CHRNE: variants seen among roughly 807,000 people sequenced by gnomAD.
The protein encoded by CHRNE is cholinergic receptor nicotinic epsilon subunit, also known as acetylcholine receptor subunit epsilon.
In CHRNE, 58 loss-of-function variants were observed where a neutral mutation model predicts 56.5. That is an observed-to-expected ratio of 1.03 (90% CI 0.83 to 1.28). The LOEUF (loss-of-function observed/expected upper bound fraction) is 1.28. Among genes scored for constraint, CHRNE ranks in the 50% most tolerant of loss-of-function variants. CHRNE has a pLI of 0.00. For missense variants in CHRNE, 793 were observed against 688.9 expected (o/e 1.15, Z -1.69); for synonymous variants, 385 against 297.9 (o/e 1.29, Z -3.01).
chr17:4,902,333 G>A lies in CHRNE; in HGVS notation c.235-7C>T, dbSNP rs935955868. On this transcript the variant is annotated splice_polypyrimidine_tract_variant and splice_region_variant and intron_variant, in intron 3 of 11. Coordinates refer to ENST00000649488, the MANE Select transcript of CHRNE (RefSeq NM_000080.4). The surrounding 1 kb of genome is among the most constrained non-coding windows in gnomAD (Gnocchi z 4.0). ...GTCGGTAATCCTGCCAATCCTAAGG[G>A]GTGGGGGATGGAAGGCCGCGTGCCC... is the stretch of plus-strand genomic sequence containing the variant. The A allele has an allele frequency of 1.1e-5, 18 of 1,614,136 alleles. No homozygotes were observed. The highest frequency in any genetic ancestry group is 1.5e-5 in the Non-Finnish European group (18 of 1,179,994).
At position 4,902,117 on chromosome 17, in the gene CHRNE, C is replaced by T. The variant is rs985566505; in HGVS notation, c.345-30G>A. 4.3e-6 allele frequency: 7 copies of T among 1,613,678 alleles called. No individual in the cohort carries two copies. The highest frequency in any genetic ancestry group is 5.1e-6 in the Non-Finnish European group (6 of 1,179,924). On this transcript the variant is annotated intron_variant, in intron 4 of 11. Coordinates refer to ENST00000649488, the MANE Select transcript of CHRNE (RefSeq NM_000080.4). This position sits in a 1 kb window ranked among gnomAD's most constrained non-coding sequence, Gnocchi z 4.0. ...GGGCTCGGGGAAACCGAGCTTTTTGCACAGGTCTGCACCCTCTCAGAGTAC... is the reference window on the plus strand; with the variant it reads ...GGGCTCGGGGAAACCGAGCTTTTTGTACAGGTCTGCACCCTCTCAGAGTAC...
intron 6 of CHRNE, 53 bp downstream of exon 6, chr17:4,901,472 C>T: frequency 3.9e-6 from 6 of 1,548,326 alleles, no homozygotes; most frequent in Non-Finnish European, 5.4e-6. Flanking sequence ...GTGGAAGTCC[C>T]CTCTCTGGAC....
At chr17:4,907,222 T>C (rs914347267), upstream of CHRNE, among the ~76,000 whole-genome samples, 26 of 149,756 alleles carry the variant, frequency 1.7e-4, no homozygotes, top group African/African-American at 5.9e-4. Flanking sequence ...AAAGGATAAA[T>C]GATTGGGGGA....
chr17:4,901,906 C>A (rs768832834), intron 5 of CHRNE, 26 bp downstream of exon 5: 2 of 1,165,040 alleles, frequency 1.7e-6, no homozygotes, highest in Admixed American at 1.8e-5. Flanking sequence ...CAATAATCGT[C>A]CGGGCCTCGG....
rs1970036361 is a variant in CHRNE at position 4,902,934 on chromosome 17, A to G, written c.46+84T>C. 4 of 1,597,286 alleles carry G rather than the reference A, an allele frequency of 2.5e-6. No homozygotes were observed. Among genetic ancestry groups the G allele is most frequent in the Non-Finnish European group, 3.4e-6 (4 of 1,165,120 alleles). On this transcript the variant is annotated intron_variant, in intron 1 of 11. Transcript: ENST00000649488. The surrounding 1 kb of genome is among the most constrained non-coding windows in gnomAD (Gnocchi z 4.0). ...AACGAAATACTGTGTCTAAGTCTCC[A>G]TCTTGGTCTCTGTCTTTGTCTTCCC...
At position 4,902,770 on chromosome 17, in the gene CHRNE, T is replaced by TG. The variant is rs550750896; in HGVS notation, c.47-8dup. ...TTCTTCCCCACACCCCTGCCTGCGA[T>TG]GGGGTCAAGAAGGAAGGGTCATTGG... is the stretch of plus-strand genomic sequence containing the variant. On this transcript the variant is annotated splice_polypyrimidine_tract_variant and splice_region_variant and intron_variant, in intron 1 of 11. Coordinates refer to ENST00000649488, the MANE Select transcript of CHRNE (RefSeq NM_000080.4). This position sits in a 1 kb window ranked among gnomAD's most constrained non-coding sequence, Gnocchi z 4.0. The TG allele has an allele frequency of 4.5e-4, 726 of 1,613,866 alleles. No homozygotes were observed. The highest frequency in any genetic ancestry group is 5.8e-4 in the Non-Finnish European group (689 of 1,180,002).
At position 4,901,548 on chromosome 17, in the gene CHRNE, T is replaced by A; in HGVS notation, c.578A>T (p.Asp193Val). 1 of 1,614,138 alleles carries A rather than the reference T, an allele frequency of 6.2e-7. No homozygotes were observed. Among genetic ancestry groups the A allele is most frequent in the Non-Finnish European group, 8.5e-7 (1 of 1,179,994 alleles). ...DNDGKTINKI[D>V]IDTEAYTENG... ...ACCAGTATAGGCCTCTGTGTCGATG[T>A]CGATCTTGTTGATGGTCTTGCCGTC... is the stretch of plus-strand genomic sequence containing the variant. The change falls in exon 6 of 12, where the codon GAC becomes GTC. Residue 193 changes from aspartate (D) to valine (V), a missense_variant. Physicochemically the swap from Asp to Val is radical, Grantham distance 152. Transcript: ENST00000649488.
chr17:4,901,488 C>G (rs778594380), intron 6 of CHRNE, 37 bp downstream of exon 6: 2 of 1,595,852 alleles, frequency 1.3e-6, no homozygotes, highest in Non-Finnish European at 1.7e-6. Context: ...TGGACCCCGT[C>G]TAGAAGCGGG....
chr17:4,899,828 G>A, intron 8 of CHRNE: 1 of 1,551,204 alleles, frequency 6.4e-7, no homozygotes, highest in Non-Finnish European at 8.7e-7. Flanking sequence ...GCTCCACCGA[G>A]GTGAGGCTAC....
Position 4,900,982 on chromosome 17 carries a change from CTG to C in CHRNE, c.802+6_802+7del. The C allele has an allele frequency of 6.2e-7, 1 of 1,613,956 alleles. No individual in the cohort carries two copies. The highest frequency in any genetic ancestry group is 8.5e-7 in the Non-Finnish European group (1 of 1,179,880). On this transcript the variant is annotated splice_donor_region_variant and intron_variant, in intron 7 of 11. Transcript: ENST00000649488. ...GGGTTTGGGGGTAGGTTCGGGGCCA[CTG>C]CTTACCCTGCGCCGGCAGGAAGTAG...
Position 4,903,019 on chromosome 17 carries a change from G to T in CHRNE, c.45C>A (p.Leu15=). 6.2e-7 allele frequency: 1 copy of T among 1,613,954 alleles called. No individual in the cohort carries two copies. Among genetic ancestry groups the T allele is most frequent in the Non-Finnish European group, 8.5e-7 (1 of 1,179,990 alleles). The change falls in exon 1 of 12, where the codon CTC becomes CTA. Residue 15 remains leucine, a splice_region_variant and synonymous_variant. Transcript: ENST00000649488. ...PLGVLLLLGL[L]GRGVGKNEEL... is the part of the protein sequence containing the mutation. Reference sequence around the variant, plus strand: ...TGCCCCTCTAGCCCCTGTCCGTACCGAGAAGCCCCAAGAGGAGCAGGACCC... The same window carrying T: ...TGCCCCTCTAGCCCCTGTCCGTACCTAGAAGCCCCAAGAGGAGCAGGACCC...
upstream of CHRNE, among the ~76,000 whole-genome samples, chr17:4,906,079 C>T (rs1408481243): frequency 6.6e-6 from 1 of 152,212 alleles, no homozygotes; most frequent in Non-Finnish European, 1.5e-5. Flanking sequence ...GCTTTCTCGT[C>T]ACCTGTGCAT....
At position 4,898,640 on chromosome 17, in the gene CHRNE, C is replaced by T. The variant is rs1969809820; in HGVS notation, c.*96G>A. ...AGTTCACAAACTGCAGATTGATCAG[C>T]AGGGGGAAGGGATCATAATGCCGTG... On this transcript the variant is annotated 3_prime_UTR_variant, in exon 12 of 12. Coordinates refer to ENST00000649488, the MANE Select transcript of CHRNE (RefSeq NM_000080.4). The T allele has an allele frequency of 1.4e-6, 2 of 1,471,980 alleles. No homozygotes were observed. Among genetic ancestry groups the T allele is most frequent in the Non-Finnish European group, 1.8e-6 (2 of 1,083,734 alleles). 91.2% of individuals were successfully genotyped at this position (1,471,980 alleles called of 1,614,324 possible). A position where few individuals can be genotyped will look rare whatever the true frequency, so the allele number is the denominator to read the frequency against.
intron 6 of CHRNE, 166 bp downstream of exon 6, chr17:4,901,359 G>A: frequency 2.1e-6 from 2 of 939,870 alleles, no homozygotes; most frequent in Non-Finnish European, 1.7e-6. Flanking sequence ...AAAGCCAGAA[G>A]GCAGGACTAG....
Position 4,901,052 on chromosome 17 carries a change from A to T in CHRNE, c.740T>A (p.Ile247Asn), listed in dbSNP as rs1322605830. 2 of 1,614,022 alleles carry T rather than the reference A, an allele frequency of 1.2e-6. No homozygotes were observed. Among genetic ancestry groups the T allele is most frequent in the African/African-American group, 1.3e-5 (1 of 75,040 alleles). ...CGAGATGAGCACACAGGGCACGATG[A>T]TGTTAATGACGTAGAAGAGCGGCTT... ...RRKPLFYVIN[I>N]IVPCVLISGL... Residue 247 changes from isoleucine to asparagine, a missense_variant, in exon 7 of 12, where the codon ATC becomes AAC. Physicochemically the swap from Ile to Asn is moderately radical, Grantham distance 149. Transcript: ENST00000649488.
chr17:4,900,559 G>A (rs1597618181), intron 8 of CHRNE: 1 of 1,550,276 alleles, frequency 6.5e-7, no homozygotes, highest in South Asian at 1.2e-5. Flanking sequence ...GGGCTAGGGA[G>A]GCACTGAGCC....
upstream of CHRNE, among the ~76,000 whole-genome samples, chr17:4,905,026 A>G (rs566892648): frequency 1.3e-5 from 2 of 152,316 alleles, no homozygotes; most frequent in South Asian, 4.1e-4. Flanking sequence ...AAGGCTTGGG[A>G]CAAGAATTGT....
In CHRNE at chr17:4,902,283, C is replaced by T; in HGVS notation, c.278G>A (p.Gly93Glu). The stretch of plus-strand genomic sequence containing the variant: ...AGGGACTCGCAGGGTTTCTATACCC[C>T]CAAAGTCGTCCTTGCTGTAGTTGAG... ...YRLNYSKDDF[G>E]GIETLRVPSE... The change falls in exon 4 of 12, where the codon GGG becomes GAG. Residue 93 changes from glycine (G) to glutamate (E), a missense_variant. Coordinates refer to ENST00000649488, the MANE Select transcript of CHRNE (RefSeq NM_000080.4). This position sits in a 1 kb window ranked among gnomAD's most constrained non-coding sequence, Gnocchi z 4.0. 1.9e-6 allele frequency: 3 copies of T among 1,614,158 alleles called. No individual in the cohort carries two copies. Among genetic ancestry groups the T allele is most frequent in the Non-Finnish European group, 2.5e-6 (3 of 1,180,030 alleles).
Position 4,898,993 on chromosome 17 carries a change from T to C in CHRNE, c.1326+8A>G. 1 of 1,585,502 alleles carries C rather than the reference T, an allele frequency of 6.3e-7. No homozygotes were observed. ...CCTCGCTCCACCCGCCTCTGGCTCCTGTCCCACCTCGCCGGTGGCCTCCTG... is the reference window on the plus strand; with the variant it reads ...CCTCGCTCCACCCGCCTCTGGCTCCCGTCCCACCTCGCCGGTGGCCTCCTG... On this transcript the variant is annotated splice_region_variant and intron_variant, in intron 11 of 11. Coordinates refer to ENST00000649488, the MANE Select transcript of CHRNE (RefSeq NM_000080.4).
Sources: allele counts gnomAD v4.1 joint callset (sites outside exome capture counted in the v4.1 genomes callset), GRCh38; gene constraint gnomAD v4.1.1; non-coding constraint Gnocchi (gnomAD v3.1); transcripts MANE v1.5; gene names NCBI Gene and HGNC (gene_info 2026-07-23, HGNC 2026-07-21).